PPP3CA: variants seen among roughly 807,000 people sequenced by gnomAD.
The protein encoded by PPP3CA is CAM-PRP catalytic subunit.
In PPP3CA, 14 loss-of-function variants were observed where a neutral mutation model predicts 66.5. That is an observed-to-expected ratio of 0.21 (90% CI 0.14 to 0.33). The LOEUF (loss-of-function observed/expected upper bound fraction) is 0.33. Ranked by LOEUF, PPP3CA falls within the 10% of genes least tolerant of loss-of-function variation. The probability of loss-of-function intolerance (pLI) is 1.00; values close to 1 mark genes in which losing one functional copy is unlikely to be tolerated. For missense variants in PPP3CA, 317 were observed against 639.5 expected, an observed-to-expected ratio of 0.50 and a Z score of 5.44; for synonymous variants, 232 against 226.2, an observed-to-expected ratio of 1.03 and a Z score of -0.23.
chr4:101,224,465 C>G (rs1203925268), intron 1 of PPP3CA, among the ~76,000 whole-genome samples: 1 of 151,692 alleles, frequency 6.6e-6, no homozygotes, highest in Admixed American at 6.6e-5. Flanking sequence ...GTCTGAAAAT[C>G]TCCTTTAAAA....
intron 3 of PPP3CA, among the ~76,000 whole-genome samples, chr4:101,104,697 G>A (rs1205631044): frequency 6.6e-6 from 1 of 152,118 alleles, no homozygotes; most frequent in East Asian, 1.9e-4. Context: ...AACAATGTCA[G>A]TTTCCTTAAT....
At chr4:101,148,816 A>G (rs1723047266) in intron 2 of PPP3CA, among the ~76,000 whole-genome samples, 1 of 152,124 alleles carries the variant, frequency 6.6e-6, no homozygotes, top group Admixed American at 6.5e-5. Context: ...TTACCATGAC[A>G]CCTTTTGTAT....
intron 6 of PPP3CA, among the ~76,000 whole-genome samples, chr4:101,083,492 G>A (rs1729529148): frequency 6.6e-6 from 1 of 152,046 alleles, no homozygotes; most frequent in South Asian, 2.1e-4. Flanking sequence ...TGAACTGGGG[G>A]AAAAAACATA....
chr4:101,282,950 G>A (rs1462916840), intron 1 of PPP3CA, among the ~76,000 whole-genome samples: 1 of 151,712 alleles, frequency 6.6e-6, no homozygotes. Context: ...CACTTATCTG[G>A]GTCAAGTATT....
intron 1 of PPP3CA, among the ~76,000 whole-genome samples, chr4:101,292,300 T>C (rs933598153): frequency 6.6e-6 from 1 of 152,208 alleles, no homozygotes; most frequent in Non-Finnish European, 1.5e-5. Flanking sequence ...TACTCAAACA[T>C]TTGAAAAGAA....
intron 10 of PPP3CA, among the ~76,000 whole-genome samples, chr4:101,057,330 T>C (rs1028687851): frequency 6.6e-6 from 1 of 152,218 alleles, no homozygotes; most frequent in East Asian, 1.9e-4. Context: ...GTGCTGGGAT[T>C]ATAGGCATGA....
intron 1 of PPP3CA, among the ~76,000 whole-genome samples, chr4:101,310,074 C>T (rs1728675602): frequency 6.6e-6 from 1 of 152,154 alleles, no homozygotes; most frequent in Non-Finnish European, 1.5e-5. Flanking sequence ...ACCAGTTGTA[C>T]TCTCTTCAGC....
intron 1 of PPP3CA, among the ~76,000 whole-genome samples, chr4:101,325,846 G>A (rs960765647): frequency 2.0e-5 from 3 of 152,040 alleles, no homozygotes; most frequent in African/African-American, 7.2e-5. Context: ...GTCTGGGATC[G>A]GCTTTAAAAT....
intron 2 of PPP3CA, among the ~76,000 whole-genome samples, chr4:101,117,102 G>T (rs1056775384): frequency 2.0e-5 from 3 of 151,754 alleles, no homozygotes; most frequent in African/African-American, 7.2e-5. Context: ...TTATGATGCT[G>T]TTTTATGAAG....
At chr4:101,257,867 T>C (rs1726895741) in intron 1 of PPP3CA, among the ~76,000 whole-genome samples, 1 of 152,138 alleles carries the variant, frequency 6.6e-6, no homozygotes, top group Non-Finnish European at 1.5e-5. Flanking sequence ...GGTATTATCT[T>C]TGTTTCCAAA....
chr4:101,261,719 G>C (rs1165265867), intron 1 of PPP3CA, among the ~76,000 whole-genome samples: 2 of 151,924 alleles, frequency 1.3e-5, no homozygotes, highest in Non-Finnish European at 2.9e-5. Flanking sequence ...TATAAGTTTA[G>C]AAATATCTAA....
At chr4:101,121,093 C>T (rs2174682) in intron 2 of PPP3CA, among the ~76,000 whole-genome samples, 57,846 of 151,814 alleles carry the variant, frequency 0.38, 11,630 homozygotes, top group South Asian at 0.48. Flanking sequence ...GATTCATTAG[C>T]AATCCTAATT....
At chr4:101,266,615 TA>T (rs1195461391) in intron 1 of PPP3CA, among the ~76,000 whole-genome samples, 3 of 152,088 alleles carry the variant, frequency 2.0e-5, no homozygotes, top group Non-Finnish European at 4.4e-5. Context: ...AAGGTTGGGA[TA>T]AACATGAAGA....
At chr4:101,334,065 A>T (rs1296699893) in intron 1 of PPP3CA, among the ~76,000 whole-genome samples, 3 of 152,198 alleles carry the variant, frequency 2.0e-5, no homozygotes, top group African/African-American at 7.2e-5. Context: ...TTTACACTCA[A>T]CCAAATAATC....
At chr4:101,333,560 C>T (rs1202755236) in intron 1 of PPP3CA, among the ~76,000 whole-genome samples, 1 of 151,910 alleles carries the variant, frequency 6.6e-6, no homozygotes, top group Non-Finnish European at 1.5e-5. Context: ...ACTGAATTTC[C>T]GATGTCTTGT....
In PPP3CA at chr4:101,347,290, T is replaced by G; in HGVS notation, c.-494A>C. ...CGATGTCAGTGCCACCAGCCGCACC[T>G]TGGCGTCCCCGGCGGCGGAGAGGCG... On this transcript the variant is annotated 5_prime_UTR_variant, in exon 1 of 14. Coordinates refer to ENST00000394854, the MANE Select transcript of PPP3CA (RefSeq NM_000944.5). 1 of 209,320 alleles carries G rather than the reference T, an allele frequency of 4.8e-6. No homozygotes were observed. Among genetic ancestry groups the G allele is most frequent in the Non-Finnish European group, 9.3e-6 (1 of 107,944 alleles). The allele number at this position is 209,320 out of a possible 1,614,324, so 13.0% of individuals were successfully genotyped here.
chr4:101,174,145 T>C (rs1022832032), intron 2 of PPP3CA, among the ~76,000 whole-genome samples: 2 of 150,944 alleles, frequency 1.3e-5, no homozygotes, highest in Non-Finnish European at 2.9e-5. Context: ...TGTTAACAAA[T>C]AGTTTGGAAG....
At chr4:101,111,641 C>T (rs1001466193) in intron 2 of PPP3CA, among the ~76,000 whole-genome samples, 2 of 152,076 alleles carry the variant, frequency 1.3e-5, no homozygotes, top group African/African-American at 2.4e-5. Context: ...TCCACACTAC[C>T]GAGGCTCCAA....
chr4:101,033,425 C>T (rs1727100742), intron 11 of PPP3CA, among the ~76,000 whole-genome samples: 1 of 152,076 alleles, frequency 6.6e-6, no homozygotes, highest in Non-Finnish European at 1.5e-5. Flanking sequence ...TCCCCATAAC[C>T]TGCTGCTTCC....
Sources: allele counts gnomAD v4.1 joint callset (sites outside exome capture counted in the v4.1 genomes callset), GRCh38; gene constraint gnomAD v4.1.1; transcripts MANE v1.5; gene names NCBI Gene and HGNC (gene_info 2026-07-23, HGNC 2026-07-21).